Variants in PLB1 observed in about 807,000 individuals in gnomAD.
PLB1 encodes phospholipase B1, membrane-associated.
A neutral mutation model predicts 227.4 loss-of-function variants in PLB1; 242 were observed. The ratio of observed to expected loss-of-function variants is 1.06; its 90% confidence interval spans 0.96 to 1.18. The LOEUF is 1.18. Ranked by LOEUF, PLB1 falls within the 50% of genes most tolerant of loss-of-function variation. PLB1 has a pLI of 0.00. For missense variants in PLB1, 1,858 were observed against 1,816.3 expected, an observed-to-expected ratio of 1.02 and a Z score of -0.42; for synonymous variants, 757 against 682.2, an observed-to-expected ratio of 1.11 and a Z score of -1.71.
chr2:28,621,995 C>T lies in PLB1; in HGVS notation c.3527+1017C>T, dbSNP rs370713072. 2.3e-4 allele frequency among the ~76,000 whole-genome samples: 35 copies of T among 152,178 alleles called. 1 individual carries two copies. The highest frequency in any genetic ancestry group is 5.8e-4 in the African/African-American group (24 of 41,518). Reference sequence around the variant, plus strand: ...TCTCTTATTGCCTTTTCTATTTTACCGCTGCTCAGCTCCTCTGCCAGATGA... The same window carrying T: ...TCTCTTATTGCCTTTTCTATTTTACTGCTGCTCAGCTCCTCTGCCAGATGA... On this transcript the variant is annotated intron_variant, in intron 49 of 57. Transcript: ENST00000327757.
chr2:28,597,230 C>G (rs1683100802), intron 33 of PLB1, among the ~76,000 whole-genome samples: 1 of 148,096 alleles, frequency 6.8e-6, no homozygotes, highest in Non-Finnish European at 1.5e-5. Flanking sequence ...CACCACTGCA[C>G]TCCAGCCTGG....
At position 28,564,276 on chromosome 2, in the gene PLB1, G is replaced by A. The variant is rs535437436; in HGVS notation, c.1207-1004G>A. Among the ~76,000 whole-genome samples, 5 of 152,264 alleles carry A rather than the reference G, an allele frequency of 3.3e-5. No homozygotes were observed. The East Asian group carries it at 7.7e-4, about 24-fold the overall frequency. Reference sequence around the variant, plus strand: ...AAGAAGGTGAATGAAGCTGGGCAAGGTGAAGTGCCTAAGGTCACACAGCTT... The same window carrying A: ...AAGAAGGTGAATGAAGCTGGGCAAGATGAAGTGCCTAAGGTCACACAGCTT... On this transcript the variant is annotated intron_variant, in intron 18 of 57. Transcript: ENST00000327757.
intron 44 of PLB1, 81 bp downstream of exon 44, chr2:28,614,177 G>T (rs1033219253): frequency 2.1e-5 from 28 of 1,311,740 alleles, no homozygotes; most frequent in Middle Eastern, 3.6e-4. Context: ...ACAGGTTTCA[G>T]AGTATTCACT....
intron 56 of PLB1, among the ~76,000 whole-genome samples, chr2:28,637,700 G>T (rs2148350013): frequency 6.6e-6 from 1 of 152,298 alleles, no homozygotes; most frequent in African/African-American, 2.4e-5. Flanking sequence ...GCAGCGTCCT[G>T]CACCACCTGT....
chr2:28,593,568 C>T (rs2148288024), intron 32 of PLB1, 113 bp from the exon 33 acceptor site: 3 of 839,544 alleles, frequency 3.6e-6, no homozygotes, highest in South Asian at 3.0e-5. Context: ...TCCATGTCTG[C>T]TCCTGCCACC....
chr2:28,543,159 C>T (rs1015923233), intron 13 of PLB1, 53 bp from the exon 14 acceptor site: 68 of 1,547,288 alleles, frequency 4.4e-5, no homozygotes, highest in East Asian at 3.5e-4. Flanking sequence ...GTAGCAGGTC[C>T]GTTGCATTCC....
chr2:28,506,347 G>C (rs992907547), intron 1 of PLB1, among the ~76,000 whole-genome samples: 2 of 152,148 alleles, frequency 1.3e-5, no homozygotes, highest in African/African-American at 4.8e-5. Context: ...TGAAGGGTGA[G>C]TGGGACTGAG....
In PLB1 at chr2:28,643,098, C is replaced by A; in HGVS notation, c.*37C>A. On this transcript the variant is annotated 3_prime_UTR_variant, in exon 58 of 58. Coordinates refer to ENST00000327757, the MANE Select transcript of PLB1 (RefSeq NM_153021.5). ...GGTCCTCACCCTAAACTCCCTATAG[C>A]CACTCTCTTCACCGCCCTCTGCCCC... The A allele has an allele frequency of 6.6e-7, 1 of 1,518,758 alleles. No individual in the cohort carries two copies. The highest frequency in any genetic ancestry group is 8.9e-7 in the Non-Finnish European group (1 of 1,124,908). The allele number at this position is 1,518,758 out of a possible 1,614,324, so 94.1% of individuals were successfully genotyped here.
chr2:28,576,097 T>G (rs1305169587), intron 21 of PLB1, among the ~76,000 whole-genome samples: 1 of 137,826 alleles, frequency 7.3e-6, no homozygotes, highest in African/African-American at 2.5e-5. Context: ...TGGCCCTGGG[T>G]TTCTATCCTT....
Position 28,538,289 on chromosome 2 carries a change from C to T in PLB1, c.556-30C>T, listed in dbSNP as rs762355704. On this transcript the variant is annotated intron_variant, in intron 9 of 57. Coordinates refer to ENST00000327757, the MANE Select transcript of PLB1 (RefSeq NM_153021.5). ...TCACCTCGTGGTCCTCCTGCAGGCACCCTCACTTAGCACGGTTCTCCTCTC... is the reference window on the plus strand; with the variant it reads ...TCACCTCGTGGTCCTCCTGCAGGCATCCTCACTTAGCACGGTTCTCCTCTC... 1.9e-6 allele frequency: 3 copies of T among 1,613,966 alleles called. No individual in the cohort carries two copies. The Admixed American group carries it at 5.0e-5, about 27-fold the overall frequency.
chr2:28,516,204 T>C (rs902463492), intron 1 of PLB1, among the ~76,000 whole-genome samples: 2 of 152,206 alleles, frequency 1.3e-5, no homozygotes, highest in African/African-American at 2.4e-5. Context: ...AAATAATAAA[T>C]GTTTTTAAAG....
chr2:28,541,487 G>A (rs1478145820), intron 12 of PLB1, among the ~76,000 whole-genome samples: 2 of 152,162 alleles, frequency 1.3e-5, no homozygotes, highest in Non-Finnish European at 2.9e-5. Flanking sequence ...GTCTGTCTGT[G>A]GTATTACCTA....
At chr2:28,632,165 G>GCCCCCATACGTGAGC in intron 55 of PLB1, 25 bp downstream of exon 55, 2 of 1,571,680 alleles carry the variant, frequency 1.3e-6, no homozygotes, top group Non-Finnish European at 1.8e-6. Flanking sequence ...TTTTAGGGAG[G>GCCCCCATACGTGAGC]CTCACGTATG....
chr2:28,568,078 T>G (rs12990525), intron 20 of PLB1, among the ~76,000 whole-genome samples: 116,254 of 152,166 alleles, frequency 0.76, 44,549 homozygotes, highest in Middle Eastern at 0.81. Context: ...CAGACTTCAC[T>G]TTATCTGTTT....
At chr2:28,542,426 G>A (rs1672637887) in intron 13 of PLB1, among the ~76,000 whole-genome samples, 1 of 152,036 alleles carries the variant, frequency 6.6e-6, no homozygotes, top group Non-Finnish European at 1.5e-5. Context: ...CTTGGACAAG[G>A]TGTTGAACTC....
At chr2:28,553,131 G>C in intron 17 of PLB1, 140 bp downstream of exon 17, 2 of 703,706 alleles carry the variant, frequency 2.8e-6, no homozygotes, top group Non-Finnish European at 4.9e-6. Context: ...TATTTGTAAA[G>C]CCATGGCTGT....
Position 28,496,080 on chromosome 2 carries a change from CT to C in PLB1, c.-33del. The C allele has an allele frequency of 1.2e-6, 2 of 1,607,942 alleles. No individual in the cohort carries two copies. The highest frequency in any genetic ancestry group is 8.5e-7 in the Non-Finnish European group (1 of 1,174,620). On this transcript the variant is annotated 5_prime_UTR_variant, in exon 1 of 58. Transcript: ENST00000327757. Reference sequence around the variant, plus strand: ...AGCCCATCCATCTGCTGGAGCAGCTCTTCCAGAGGCCCGAGTCACCTGGAGC... The same window carrying C: ...AGCCCATCCATCTGCTGGAGCAGCTCTCCAGAGGCCCGAGTCACCTGGAGC...
chr2:28,628,976 G>A (rs1688211089), intron 52 of PLB1, 118 bp from the exon 53 acceptor site: 2 of 798,026 alleles, frequency 2.5e-6, no homozygotes, highest in Non-Finnish European at 4.0e-6. Flanking sequence ...TCCCCTCTCT[G>A]GGCCTCAGTT....
intron 22 of PLB1, among the ~76,000 whole-genome samples, chr2:28,578,359 A>G (rs1558811638): frequency 6.6e-6 from 1 of 152,230 alleles, no homozygotes; most frequent in Non-Finnish European, 1.5e-5. Context: ...TGAGTCAGGC[A>G]TCAGGCTGGG....
Sources: allele counts gnomAD v4.1 joint callset (sites outside exome capture counted in the v4.1 genomes callset), GRCh38; gene constraint gnomAD v4.1.1; transcripts MANE v1.5; gene names NCBI Gene and HGNC (gene_info 2026-07-23, HGNC 2026-07-21).